The following EXOC6 variants were observed in gnomAD, a reference collection of about 807,000 sequenced individuals.
EXOC6 encodes exocyst complex component 6, also known as SEC15-like 1.
EXOC6 carries 60 observed loss-of-function variants against 112.5 expected under a neutral mutation model. That is an observed-to-expected ratio of 0.53 (90% CI 0.43 to 0.66). EXOC6 has a LOEUF of 0.66. Ranked by LOEUF, EXOC6 falls within the 30% of genes least tolerant of loss-of-function variation. EXOC6 has a pLI of 0.00. For synonymous variants in EXOC6, 295 were observed against 308.0 expected (o/e 0.96, Z 0.44); for missense variants, 855 against 957.1 (o/e 0.89, Z 1.41).
chr10:93,037,773 C>T (rs1286087360), intron 20 of EXOC6, among the ~76,000 whole-genome samples: 5 of 140,646 alleles, frequency 3.6e-5, no homozygotes, highest in Non-Finnish European at 6.2e-5. Context: ...TTTCTCGGGC[C>T]GGGTGCGGTG....
chr10:93,049,587 G>A (rs1232898280), intron 20 of EXOC6, among the ~76,000 whole-genome samples: 1 of 152,138 alleles, frequency 6.6e-6, no homozygotes, highest in Non-Finnish European at 1.5e-5. Context: ...TTTGTTTTGT[G>A]TTGTTTTGTT....
chr10:92,941,830 AT>A (rs755999072), intron 13 of EXOC6, among the ~76,000 whole-genome samples: 21 of 152,318 alleles, frequency 1.4e-4, no homozygotes, highest in Admixed American at 7.2e-4. Flanking sequence ...GAAGAGAAAT[AT>A]GCCCCCACAC....
chr10:93,020,837 G>T (rs1844749415), intron 20 of EXOC6, among the ~76,000 whole-genome samples: 1 of 151,696 alleles, frequency 6.6e-6, no homozygotes, highest in African/African-American at 2.4e-5. Context: ...CAGCACTGAG[G>T]TCTCTCTGGC....
chr10:93,052,760 T>A (rs112352922), intron 20 of EXOC6, among the ~76,000 whole-genome samples: 8 of 152,246 alleles, frequency 5.3e-5, no homozygotes, highest in African/African-American at 1.4e-4. Context: ...TTAATACCAA[T>A]TTTCATTATC....
rs188425021 is a variant in EXOC6 at position 92,971,086 on chromosome 10, C to G, written c.1774-2967C>G. Among the ~76,000 whole-genome samples, 4 of 152,284 alleles carry G rather than the reference C, an allele frequency of 2.6e-5. No homozygotes were observed. In the East Asian group the frequency reaches 7.7e-4, roughly 29 times the overall value. The stretch of plus-strand genomic sequence containing the variant: ...TTTTTTTTTGAGACGGAGTCTCGCT[C>G]TGTTGCCCAGGCTGGAGTGAAGTGG... On this transcript the variant is annotated intron_variant, in intron 17 of 21. Coordinates refer to ENST00000260762, the MANE Select transcript of EXOC6 (RefSeq NM_019053.6).
At position 92,834,839 on chromosome 10, in the gene EXOC6, C is replaced by CCTTCTTT. The variant is rs767563660; in HGVS notation, c.86+15_86+16insCTTCTTT. On this transcript the variant is annotated intron_variant, in intron 1 of 21. Transcript: ENST00000371552. ...GCTACTTTAAGGTAGGGCACCGTTGCATTTTATTGTGTCTTCTTTAGCGGT... is the reference window on the plus strand; with the variant it reads ...GCTACTTTAAGGTAGGGCACCGTTGCCTTCTTTATTTTATTGTGTCTTCTTTAGCGGT... The CCTTCTTT allele has an allele frequency of 1.9e-5, 29 of 1,507,816 alleles. No individual in the cohort carries two copies. The South Asian group carries it at 3.3e-4, about 17-fold the overall frequency. The allele number at this position is 1,507,816 out of a possible 1,614,324, so 93.4% of individuals were successfully genotyped here.
In EXOC6 at chr10:92,858,032, C is replaced by T. The variant is rs560243018; in HGVS notation, c.101+9398C>T. Among the ~76,000 whole-genome samples the T allele has an allele frequency of 2.1e-5, 3 of 142,838 alleles. 1 individual carries two copies. Among genetic ancestry groups the T allele is most frequent in the Non-Finnish European group, 4.5e-5 (3 of 66,390 alleles). The allele number at this position is 142,838 out of a possible 152,430, so 93.7% of individuals were successfully genotyped here. A position where few individuals can be genotyped will look rare whatever the true frequency, so the allele number is the denominator to read the frequency against. ...TTTTAGTTGACGGGTTCCCCCCCTC[C>T]GCCGGCCAGCAGTTTGAATATGTCT... is the stretch of plus-strand genomic sequence containing the variant. On this transcript the variant is annotated intron_variant, in intron 1 of 21. Transcript: ENST00000260762.
chr10:92,882,138 A>G (rs1848995962), intron 1 of EXOC6, among the ~76,000 whole-genome samples: 1 of 152,192 alleles, frequency 6.6e-6, no homozygotes, highest in Non-Finnish European at 1.5e-5. Context: ...TGGATATGAT[A>G]CTTTTACATT....
intron 19 of EXOC6, among the ~76,000 whole-genome samples, chr10:92,998,041 TTG>T (rs1276747582): frequency 6.6e-6 from 1 of 152,202 alleles, no homozygotes; most frequent in Non-Finnish European, 1.5e-5. Context: ...TTCTGAATTT[TTG>T]TTTCTCCTTT....
At chr10:93,056,394 G>C (rs2134393471) in intron 20 of EXOC6, among the ~76,000 whole-genome samples, 1 of 152,298 alleles carries the variant, frequency 6.6e-6, no homozygotes, top group East Asian at 1.9e-4. Flanking sequence ...TATCACCAGA[G>C]AGAATCTAGC....
intron 17 of EXOC6, among the ~76,000 whole-genome samples, chr10:92,966,205 T>G (rs1842041077): frequency 6.6e-6 from 1 of 151,616 alleles, no homozygotes; most frequent in Non-Finnish European, 1.5e-5. Flanking sequence ...CTTTTATTTT[T>G]GCTTAGTTCC....
At chr10:93,045,588 C>T (rs1010109179) in intron 20 of EXOC6, among the ~76,000 whole-genome samples, 4 of 152,192 alleles carry the variant, frequency 2.6e-5, no homozygotes, top group Admixed American at 6.5e-5. Context: ...TGCTCAAGTT[C>T]TTCCAAAGTC....
At chr10:93,013,889 A>G (rs115674412) in intron 19 of EXOC6, among the ~76,000 whole-genome samples, 1 of 152,312 alleles carries the variant, frequency 6.6e-6, no homozygotes, top group African/African-American at 2.4e-5. Flanking sequence ...AGGGTCAGAA[A>G]GCTTTACTTG....
intron 1 of EXOC6, among the ~76,000 whole-genome samples, chr10:92,852,501 A>G (rs1466443146): frequency 5.9e-5 from 9 of 152,350 alleles, no homozygotes; most frequent in Non-Finnish European, 1.2e-4. Flanking sequence ...ATGTGGATTT[A>G]AAAGTATAAA....
chr10:92,921,171 A>C (rs532820551), intron 8 of EXOC6, among the ~76,000 whole-genome samples: 2 of 147,928 alleles, frequency 1.4e-5, no homozygotes, highest in East Asian at 4.0e-4. Flanking sequence ...TTGTTCCTCT[A>C]TTCCTCCATT....
At chr10:92,894,905 A>C in intron 3 of EXOC6, 25 bp from the exon 4 acceptor site, 5 of 1,606,276 alleles carry the variant, frequency 3.1e-6, no homozygotes, top group Non-Finnish European at 4.3e-6. Flanking sequence ...TTGTTTAAAA[A>C]TATGAACATT....
intron 12 of EXOC6, among the ~76,000 whole-genome samples, chr10:92,939,262 A>G (rs1042995196): frequency 3.3e-5 from 5 of 152,124 alleles, no homozygotes; most frequent in Non-Finnish European, 5.9e-5. Flanking sequence ...AGCTTTTACA[A>G]TGGTCTAGGT....
chr10:92,836,122 G>A (rs1846650421), intron 1 of EXOC6, among the ~76,000 whole-genome samples: 1 of 152,174 alleles, frequency 6.6e-6, no homozygotes, highest in African/African-American at 2.4e-5. Flanking sequence ...GGTGAAGGGA[G>A]CCTAGATGTG....
chr10:92,939,441 G>T lies in EXOC6; in HGVS notation c.1213-1286G>T, dbSNP rs1204315873. ...TGTATGTGTGTGTGGCAGGGGTGGG[G>T]TGTTTAGATGGTTTTCTAGATTCTC... On this transcript the variant is annotated intron_variant, in intron 12 of 21. Transcript: ENST00000260762. 6.6e-5 allele frequency among the ~76,000 whole-genome samples: 10 copies of T among 151,966 alleles called. 1 individual carries two copies. In the East Asian group the frequency reaches 1.9e-3, roughly 29 times the overall value.
Sources: gnomAD v4.1 joint callset for allele counts (sites outside exome capture counted in the v4.1 genomes callset) on GRCh38, gnomAD v4.1.1 for gene constraint, MANE v1.5 for transcripts, NCBI Gene and HGNC (gene_info 2026-07-23, HGNC 2026-07-21) for gene names.